Variants in SPAG16 observed in about 807,000 individuals in gnomAD.
SPAG16 encodes the protein sperm-associated antigen 16 protein.
In SPAG16, 86 loss-of-function variants were observed where a neutral mutation model predicts 80.4. The observed-to-expected ratio is 1.07, with a 90% CI of 0.90 to 1.28. The LOEUF is 1.28. Ranked by LOEUF, SPAG16 falls within the 50% of genes most tolerant of loss-of-function variation. SPAG16 has a pLI of 0.00. For synonymous variants in SPAG16, 294 were observed against 265.9 expected (o/e 1.11, Z -1.03); for missense variants, 870 against 765.3 (o/e 1.14, Z -1.61).
At chr2:213,450,584 A>G (rs1179239191) in intron 9 of SPAG16, among the ~76,000 whole-genome samples, 2 of 152,202 alleles carry the variant, frequency 1.3e-5, no homozygotes, top group African/African-American at 4.8e-5. Context: ...ACTTTACACT[A>G]ATTGAATGTG....
intron 15 of SPAG16, among the ~76,000 whole-genome samples, chr2:214,173,394 G>T (rs1377416686): frequency 2.0e-5 from 3 of 152,072 alleles, no homozygotes; most frequent in Non-Finnish European, 4.4e-5. Context: ...GTTTGTCAAA[G>T]ATCAGATAAT....
intron 15 of SPAG16, among the ~76,000 whole-genome samples, chr2:214,258,221 T>A (rs115001912): frequency 3.2e-4 from 49 of 152,054 alleles, no homozygotes; most frequent in Non-Finnish European, 4.9e-4. Flanking sequence ...ACCCAATGTG[T>A]AGTCTTTTAT....
intron 12 of SPAG16, among the ~76,000 whole-genome samples, chr2:214,003,873 A>G (rs920124456): frequency 1.3e-5 from 2 of 152,220 alleles, no homozygotes; most frequent in Admixed American, 1.3e-4. Flanking sequence ...TGCATTTAGG[A>G]TCACTAGACA....
intron 8 of SPAG16, among the ~76,000 whole-genome samples, chr2:213,370,993 A>G (rs1559465443): frequency 6.6e-6 from 1 of 152,204 alleles, no homozygotes; most frequent in Non-Finnish European, 1.5e-5. Context: ...CATACACTCT[A>G]GTTTTAGATA....
At chr2:214,337,888 A>G (rs1201542677) in intron 15 of SPAG16, among the ~76,000 whole-genome samples, 7 of 152,212 alleles carry the variant, frequency 4.6e-5, no homozygotes, top group Admixed American at 3.3e-4. Flanking sequence ...AGGTGACTAA[A>G]GAATTACTCT....
chr2:214,101,323 A>G (rs34832125), intron 13 of SPAG16, among the ~76,000 whole-genome samples: 52,360 of 151,740 alleles, frequency 0.35, 9,377 homozygotes, highest in African/African-American at 0.35. Context: ...CTTCAGTTCT[A>G]TGTCCTTCAT....
chr2:213,621,448 G>A (rs1470465380), intron 10 of SPAG16, among the ~76,000 whole-genome samples: 1 of 152,166 alleles, frequency 6.6e-6, no homozygotes, highest in Non-Finnish European at 1.5e-5. Context: ...GGTTTGATTA[G>A]TGTGACAAAC....
chr2:214,102,297 G>T (rs10490495), intron 13 of SPAG16, among the ~76,000 whole-genome samples: 13,431 of 151,954 alleles, frequency 0.088, 771 homozygotes, highest in East Asian at 0.29. Flanking sequence ...TAAATAAGGA[G>T]AAAAATTCAT....
At chr2:213,823,033 C>T (rs138064570) in intron 10 of SPAG16, among the ~76,000 whole-genome samples, 25 of 152,246 alleles carry the variant, frequency 1.6e-4, no homozygotes, top group South Asian at 1.2e-3. Flanking sequence ...CTGCAATAAA[C>T]GTAAGTGTGC....
chr2:214,227,624 C>G (rs887776364), intron 15 of SPAG16, among the ~76,000 whole-genome samples: 2 of 150,936 alleles, frequency 1.3e-5, no homozygotes, highest in Non-Finnish European at 3.0e-5. Flanking sequence ...TAGATGGAAG[C>G]CATTTTGAAA....
At chr2:214,136,574 A>G (rs2055063834) in intron 14 of SPAG16, among the ~76,000 whole-genome samples, 1 of 152,172 alleles carries the variant, frequency 6.6e-6, no homozygotes, top group African/African-American at 2.4e-5. Flanking sequence ...TTAATGCCTA[A>G]CAGACTGATG....
chr2:213,342,673 T>G (rs996413092), intron 6 of SPAG16, among the ~76,000 whole-genome samples: 2 of 151,994 alleles, frequency 1.3e-5, no homozygotes, highest in Non-Finnish European at 2.9e-5. Context: ...TTTGGGGAAT[T>G]TCTGCTTTGG....
In SPAG16 at chr2:213,342,552, T is replaced by G. The variant is rs577972470; in HGVS notation, c.644+2282T>G. Among the ~76,000 whole-genome samples the G allele has an allele frequency of 2.6e-5, 4 of 151,930 alleles. No homozygotes were observed. The East Asian group carries it at 7.7e-4, about 29-fold the overall frequency. The stretch of plus-strand genomic sequence containing the variant: ...TTCTATTGCTATCATCAATGAGGTA[T>G]AATGTGATATCCAAATTAATGACGT... On this transcript the variant is annotated intron_variant, in intron 6 of 15. Transcript: ENST00000331683.
intron 13 of SPAG16, among the ~76,000 whole-genome samples, chr2:214,088,302 C>A (rs901687619): frequency 6.6e-6 from 1 of 151,780 alleles, no homozygotes; most frequent in Non-Finnish European, 1.5e-5. Context: ...TGCAACCATA[C>A]CTATTCCCAA....
At chr2:213,794,032 C>T (rs1670941522) in intron 10 of SPAG16, among the ~76,000 whole-genome samples, 1 of 152,102 alleles carries the variant, frequency 6.6e-6, no homozygotes, top group South Asian at 2.1e-4. Flanking sequence ...CAAATCCAAA[C>T]TTTAGAAACT....
At chr2:213,370,248 T>G (rs1301778198) in intron 8 of SPAG16, among the ~76,000 whole-genome samples, 1 of 152,142 alleles carries the variant, frequency 6.6e-6, no homozygotes, top group African/African-American at 2.4e-5. Context: ...CTAAAACTCA[T>G]GCATAAGAAA....
chr2:214,286,434 C>A (rs1559182712), intron 15 of SPAG16, among the ~76,000 whole-genome samples: 3 of 151,952 alleles, frequency 2.0e-5, no homozygotes, highest in African/African-American at 7.3e-5. Context: ...CTATAAATGA[C>A]TAAATAAATA....
chr2:213,829,547 C>T (rs1186513888), intron 10 of SPAG16, among the ~76,000 whole-genome samples: 2 of 152,146 alleles, frequency 1.3e-5, no homozygotes, highest in Non-Finnish European at 2.9e-5. Flanking sequence ...ACTCTTCCCT[C>T]TGCTTTTCTC....
intron 14 of SPAG16, 108 bp from the exon 15 acceptor site, chr2:214,149,032 G>T (rs2055817299): frequency 2.8e-6 from 1 of 354,112 alleles, no homozygotes; most frequent in Non-Finnish European, 4.3e-6. Flanking sequence ...ATATGTATTT[G>T]TATATATGTA....
Sources: allele counts gnomAD v4.1 joint callset (sites outside exome capture counted in the v4.1 genomes callset), GRCh38; gene constraint gnomAD v4.1.1; transcripts MANE v1.5; gene names NCBI Gene and HGNC (gene_info 2026-07-23, HGNC 2026-07-21).